Variants in C21orf58 observed in about 807,000 individuals in gnomAD.
C21orf58 encodes the protein chromosome 21 open reading frame 58.
In C21orf58, 34 loss-of-function variants were observed where a neutral mutation model predicts 35.8. That is an observed-to-expected ratio of 0.95 (90% confidence interval 0.72 to 1.26). The LOEUF is 1.26. C21orf58 is among the 50% of genes most tolerant of loss of function. The probability of loss-of-function intolerance (pLI) is 0.00; values close to 1 mark genes in which losing one functional copy is unlikely to be tolerated. For missense variants in C21orf58, 440 were observed against 414.3 expected, an observed-to-expected ratio of 1.06 and a Z score of -0.54; for synonymous variants, 191 against 175.8, an observed-to-expected ratio of 1.09 and a Z score of -0.68.
At position 46,318,036 on chromosome 21, in the gene C21orf58, T is replaced by G; in HGVS notation, c.285A>C (p.Arg95=). 6.2e-7 allele frequency: 1 copy of G among 1,613,448 alleles called. No individual in the cohort carries two copies. The highest frequency in any genetic ancestry group is 1.1e-5 in the South Asian group (1 of 91,090). Residue 95 remains arginine, a synonymous_variant, in exon 2 of 8, where the codon CGA becomes CGC. Transcript: ENST00000291691. ...CCTGTCCCAAGAGCTTCAGCGTCAG[T>G]CGGGTCACTTGCTCTGCTGCTGATG... is the stretch of plus-strand genomic sequence containing the variant. ...LDSSAAEQVT[R]LTLKLLGQKL...
intron 1 of C21orf58, among the ~76,000 whole-genome samples, chr21:46,321,409 A>G (rs998965546): frequency 6.6e-6 from 1 of 152,200 alleles, no homozygotes; most frequent in Non-Finnish European, 1.5e-5. Flanking sequence ...CAAGTAACTG[A>G]AGTCCACACT....
Position 46,301,949 on chromosome 21 carries a change from G to C in C21orf58, c.*50C>G. On this transcript the variant is annotated 3_prime_UTR_variant, in exon 8 of 8. Transcript: ENST00000291691. Reference sequence around the variant, plus strand: ...GTCCCGCCACAGCCCACAGCCCTGAGGAAGCCTGGGGGTGGAGGGTGCCCC... The same window carrying C: ...GTCCCGCCACAGCCCACAGCCCTGACGAAGCCTGGGGGTGGAGGGTGCCCC... 4.1e-6 allele frequency: 6 copies of C among 1,460,130 alleles called. No individual in the cohort carries two copies. The highest frequency in any genetic ancestry group is 5.4e-6 in the Non-Finnish European group (6 of 1,108,186). The allele number at this position is 1,460,130 out of a possible 1,614,324, so 90.4% of individuals were successfully genotyped here. A position where few individuals can be genotyped will look rare whatever the true frequency, so the allele number is the denominator to read the frequency against.
At chr21:46,302,774 G>A (rs1725917066) in intron 6 of C21orf58, among the ~76,000 whole-genome samples, 198 bp from the exon 7 acceptor site, 1 of 106,872 alleles carries the variant, frequency 9.4e-6, no homozygotes, top group Admixed American at 9.1e-5. Context: ...GCGGGTCCCC[G>A]GGGCGCGCCC....
At chr21:46,304,332 C>T (rs9680343) in intron 6 of C21orf58, among the ~76,000 whole-genome samples, 16,267 of 151,742 alleles carry the variant, frequency 0.11, 2,509 homozygotes, top group African/African-American at 0.34. Context: ...GCCTGCCCTA[C>T]ACAAAATTTT....
Position 46,301,448 on chromosome 21 carries a change from C to G in C21orf58, c.*551G>C. The G allele has an allele frequency of 1.0e-6, 1 of 975,674 alleles. No homozygotes were observed. Among genetic ancestry groups the G allele is most frequent in the South Asian group, 4.8e-5 (1 of 20,828 alleles). 60.4% of individuals were successfully genotyped at this position (975,674 alleles called of 1,614,324 possible). ...AGGCATGAGCCATGCACCCCTACTT[C>G]TTTAGTGGGAGTCTGTGCCACAGCT... On this transcript the variant is annotated 3_prime_UTR_variant, in exon 8 of 8. Coordinates refer to ENST00000291691, the MANE Select transcript of C21orf58 (RefSeq NM_058180.5).
At chr21:46,319,878 CAA>C (rs1361224174) in intron 1 of C21orf58, among the ~76,000 whole-genome samples, 4 of 151,532 alleles carry the variant, frequency 2.6e-5, no homozygotes, top group Admixed American at 1.3e-4. Flanking sequence ...GCCTGGGCAA[CAA>C]GAGCAAAACC....
At chr21:46,318,981 A>C in intron 1 of C21orf58, 1 of 403,812 alleles carries the variant, frequency 2.5e-6, no homozygotes, top group Non-Finnish European at 3.4e-6. Flanking sequence ...CGAGGGGCAG[A>C]GGTCAGCACC....
downstream of C21orf58, chr21:46,300,806 T>A: frequency 7.8e-7 from 1 of 1,285,882 alleles, no homozygotes; most frequent in Non-Finnish European, 1.0e-6. Flanking sequence ...TAATAGGGGG[T>A]GAATGAAAGT....
chr21:46,321,798 T>C lies in C21orf58; in HGVS notation c.100+841A>G, dbSNP rs558600222. Among the ~76,000 whole-genome samples, 580 of 152,216 alleles carry C rather than the reference T, an allele frequency of 3.8e-3. 2 individuals carry two copies. The highest frequency in any genetic ancestry group is 5.9e-3 in the Non-Finnish European group (404 of 68,018). On this transcript the variant is annotated intron_variant, in intron 1 of 7. Transcript: ENST00000291691. ...TGGCTCTTTCCCTCCTTTTCTTTAT[T>C]GCACTCTTTGGGAGGAAGTGGCTAT...
At chr21:46,300,936 T>C, downstream of C21orf58, 1 of 810,326 alleles carries the variant, frequency 1.2e-6, no homozygotes, top group Non-Finnish European at 1.7e-6. Flanking sequence ...CCTGTCCACA[T>C]GGTAAGAAAC....
In C21orf58 at chr21:46,302,158, C is replaced by T; in HGVS notation, c.814-4G>A. ...TCGGGGGCACATGTGGCGGGTCCTG[C>T]CACAGACGCACCTGCTGCTTAGGAC... On this transcript the variant is annotated splice_polypyrimidine_tract_variant and splice_region_variant and intron_variant, in intron 7 of 7. Coordinates refer to ENST00000291691, the MANE Select transcript of C21orf58 (RefSeq NM_058180.5). 1.4e-6 allele frequency: 2 copies of T among 1,475,950 alleles called. No individual in the cohort carries two copies. Among genetic ancestry groups the T allele is most frequent in the Non-Finnish European group, 1.8e-6 (2 of 1,112,252 alleles). The allele number at this position is 1,475,950 out of a possible 1,614,324, so 91.4% of individuals were successfully genotyped here. A position where few individuals can be genotyped will look rare whatever the true frequency, so the allele number is the denominator to read the frequency against.
downstream of C21orf58, chr21:46,300,753 G>C (rs963354093): frequency 1.6e-6 from 2 of 1,289,234 alleles, no homozygotes; most frequent in East Asian, 5.5e-5. Flanking sequence ...ACTGGGACAG[G>C]GTTCCTCCTT....
At chr21:46,306,001 G>A (rs180857264) in intron 6 of C21orf58, among the ~76,000 whole-genome samples, 8 of 151,564 alleles carry the variant, frequency 5.3e-5, no homozygotes, top group African/African-American at 1.7e-4. Flanking sequence ...TTGGGAGGCT[G>A]AGGTGGGAGG....
intron 6 of C21orf58, among the ~76,000 whole-genome samples, chr21:46,305,715 G>A (rs1448793772): frequency 1.3e-5 from 2 of 152,112 alleles, no homozygotes; most frequent in Admixed American, 6.6e-5. Flanking sequence ...TGAGGTGGGC[G>A]GATCATGAGG....
At chr21:46,300,676 C>A, downstream of C21orf58, 1 of 1,276,204 alleles carries the variant, frequency 7.8e-7, no homozygotes, top group Admixed American at 2.5e-5. Context: ...CCCTGGGGAG[C>A]TCTGCAGCTC....
At chr21:46,305,290 G>C (rs1359003251) in intron 6 of C21orf58, among the ~76,000 whole-genome samples, 1 of 138,860 alleles carries the variant, frequency 7.2e-6, no homozygotes, top group Non-Finnish European at 1.6e-5. Context: ...CAATGGTAAA[G>C]TTACATGGTT....
intron 6 of C21orf58, among the ~76,000 whole-genome samples, chr21:46,311,083 G>A (rs1195837259): frequency 1.3e-5 from 2 of 151,970 alleles, no homozygotes; most frequent in East Asian, 3.9e-4. Context: ...TGTGGGCCAG[G>A]CTGGTCTCGA....
In C21orf58 at chr21:46,323,803, C is replaced by T. The variant is rs1601720925; in HGVS notation, c.-1065G>A. Reference sequence around the variant, plus strand: ...GCGCCGCCCGCGCCTGCAGGGAGCCCGGCCCGCTGTCCTGGTGGACACAAA... The same window carrying T: ...GCGCCGCCCGCGCCTGCAGGGAGCCTGGCCCGCTGTCCTGGTGGACACAAA... On this transcript the variant is annotated 5_prime_UTR_variant, in exon 1 of 8. Transcript: ENST00000291691. 2 of 309,048 alleles carry T rather than the reference C, an allele frequency of 6.5e-6. No homozygotes were observed. Among genetic ancestry groups the T allele is most frequent in the East Asian group, 2.0e-4 (2 of 10,186 alleles). The allele number at this position is 309,048 out of a possible 1,614,324, so 19.1% of individuals were successfully genotyped here. A position where few individuals can be genotyped will look rare whatever the true frequency, so the allele number is the denominator to read the frequency against.
chr21:46,306,986 C>T (rs1404047364), intron 6 of C21orf58, among the ~76,000 whole-genome samples: 1 of 152,096 alleles, frequency 6.6e-6, no homozygotes, highest in African/African-American at 2.4e-5. Flanking sequence ...GCCTCCGCCT[C>T]CCAGGCTCAA....
Sources: gnomAD v4.1 joint callset for allele counts (sites outside exome capture counted in the v4.1 genomes callset) on GRCh38, gnomAD v4.1.1 for gene constraint, MANE v1.5 for transcripts, NCBI Gene and HGNC (gene_info 2026-07-23, HGNC 2026-07-21) for gene names.